TMEM248: variants seen among roughly 807,000 people sequenced by gnomAD.
TMEM248 encodes the protein UPF0458 protein C7orf42.
Under a neutral mutation model 30.3 loss-of-function variants are expected in TMEM248, and 9 were observed. That is an observed-to-expected ratio of 0.30 (90% CI 0.18 to 0.52). The LOEUF (loss-of-function observed/expected upper bound fraction) is 0.52, where lower values mean the gene tolerates loss of function less well. TMEM248 is among the 20% of genes least tolerant of loss of function. The pLI, the probability that TMEM248 is intolerant of heterozygous loss-of-function variation, is 0.97. For synonymous variants in TMEM248, 184 were observed against 154.4 expected, an observed-to-expected ratio of 1.19 and a Z score of -1.42; for missense variants, 338 against 403.3, an observed-to-expected ratio of 0.84 and a Z score of 1.39.
At chr7:66,952,693 T>C (rs1792298302) in intron 5 of TMEM248, among the ~76,000 whole-genome samples, 1 of 152,128 alleles carries the variant, frequency 6.6e-6, no homozygotes, top group South Asian at 2.1e-4. Flanking sequence ...GGGTAGTGAA[T>C]CACGGATGAT....
Position 66,937,667 on chromosome 7 carries a change from G to A in TMEM248, c.-18-4181G>A, listed in dbSNP as rs1468382287. Among the ~76,000 whole-genome samples the A allele has an allele frequency of 2.0e-5, 3 of 152,056 alleles. No individual in the cohort carries two copies. In the East Asian group the frequency reaches 5.8e-4, roughly 29 times the overall value. The stretch of plus-strand genomic sequence containing the variant: ...GATTAAATATAGCTACTTCTGCTCT[G>A]CGCTTTTTTGGTTTCCATTTGCATG... On this transcript the variant is annotated intron_variant, in intron 1 of 6. Transcript: ENST00000341567.
intron 6 of TMEM248, 53 bp downstream of exon 6, chr7:66,953,422 A>G (rs1404701633): frequency 5.7e-6 from 9 of 1,586,708 alleles, no homozygotes; most frequent in Middle Eastern, 1.7e-4. Flanking sequence ...CTCTGTATAC[A>G]GAAAGTCCCA....
At chr7:66,931,145 A>G (rs1454139175) in intron 1 of TMEM248, among the ~76,000 whole-genome samples, 2 of 152,034 alleles carry the variant, frequency 1.3e-5, no homozygotes, top group African/African-American at 4.8e-5. Context: ...TCTACTAAAA[A>G]TATCAAAATT....
At chr7:66,926,092 T>C (rs1280884177) in intron 1 of TMEM248, among the ~76,000 whole-genome samples, 1 of 152,212 alleles carries the variant, frequency 6.6e-6, no homozygotes, top group Non-Finnish European at 1.5e-5. Context: ...CGCGAGATGA[T>C]ATCTCATTGT....
chr7:66,946,336 G>A (rs1792106481), intron 3 of TMEM248, among the ~76,000 whole-genome samples: 1 of 152,134 alleles, frequency 6.6e-6, no homozygotes, highest in Non-Finnish European at 1.5e-5. Flanking sequence ...CCAGCACTTT[G>A]GGAGGCCGAG....
intron 1 of TMEM248, among the ~76,000 whole-genome samples, chr7:66,926,440 T>C (rs528187282): frequency 1.3e-5 from 2 of 152,188 alleles, no homozygotes; most frequent in Admixed American, 1.3e-4. Flanking sequence ...GCCAACATGG[T>C]GAAACCCTGT....
chr7:66,928,896 C>G (rs1333688069), intron 1 of TMEM248, among the ~76,000 whole-genome samples: 1 of 152,082 alleles, frequency 6.6e-6, no homozygotes, highest in Non-Finnish European at 1.5e-5. Flanking sequence ...CCGGTGATCC[C>G]TCCACCTCAG....
chr7:66,932,292 CTAG>C (rs1791689084), intron 1 of TMEM248, among the ~76,000 whole-genome samples: 1 of 152,220 alleles, frequency 6.6e-6, no homozygotes, highest in Non-Finnish European at 1.5e-5. Context: ...TTCACCTGAA[CTAG>C]TAGTGTTTTG....
chr7:66,955,537 GT>G lies in TMEM248; in HGVS notation c.*21del. 2 of 1,614,018 alleles carry G rather than the reference GT, an allele frequency of 1.2e-6. No individual in the cohort carries two copies. The highest frequency in any genetic ancestry group is 4.5e-5 in the East Asian group (2 of 44,862). On this transcript the variant is annotated 3_prime_UTR_variant, in exon 7 of 7. Coordinates refer to ENST00000341567, the MANE Select transcript of TMEM248 (RefSeq NM_017994.5). ...CTGAAGCCTAATTCCACAGCTCCTT[GT>G]TTTTTGAGAGAGACTGAGAGAACCA...
intron 2 of TMEM248, 79 bp from the exon 3 acceptor site, chr7:66,944,897 C>T: frequency 2.0e-6 from 3 of 1,495,762 alleles, no homozygotes; most frequent in Middle Eastern, 1.7e-4. Context: ...CGGTGCCACA[C>T]TGGGGTCTTA....
At chr7:66,927,822 A>G (rs2129220624) in intron 1 of TMEM248, among the ~76,000 whole-genome samples, 1 of 152,274 alleles carries the variant, frequency 6.6e-6, no homozygotes, top group East Asian at 1.9e-4. Flanking sequence ...ATTGTATCAC[A>G]TTAAGAAACA....
At chr7:66,932,315 AAC>A (rs1179482167) in intron 1 of TMEM248, among the ~76,000 whole-genome samples, 4 of 152,182 alleles carry the variant, frequency 2.6e-5, no homozygotes, top group Non-Finnish European at 4.4e-5. Context: ...GAAAGTTTAT[AAC>A]ACAGTCTTTT....
chr7:66,927,645 C>CG (rs1394457903), intron 1 of TMEM248, among the ~76,000 whole-genome samples: 1 of 145,010 alleles, frequency 6.9e-6, no homozygotes, highest in African/African-American at 2.5e-5. Flanking sequence ...TTTTTAGGGA[C>CG]GGGGTCTCAC....
intron 5 of TMEM248, 118 bp from the exon 6 acceptor site, chr7:66,953,108 A>G: frequency 8.6e-7 from 1 of 1,158,618 alleles, no homozygotes; most frequent in Non-Finnish European, 1.2e-6. Flanking sequence ...CTTGCAGCTT[A>G]AGAAGAAAAG....
chr7:66,955,539 T>G lies in TMEM248; in HGVS notation c.*17T>G. 1 of 1,614,066 alleles carries G rather than the reference T, an allele frequency of 6.2e-7. No homozygotes were observed. On this transcript the variant is annotated 3_prime_UTR_variant, in exon 7 of 7. Transcript: ENST00000341567. ...GAAGCCTAATTCCACAGCTCCTTGTTTTTTGAGAGAGACTGAGAGAACCAT... is the reference window on the plus strand; with the variant it reads ...GAAGCCTAATTCCACAGCTCCTTGTGTTTTGAGAGAGACTGAGAGAACCAT...
At chr7:66,949,789 G>C (rs1164923811) in intron 4 of TMEM248, among the ~76,000 whole-genome samples, 1 of 151,134 alleles carries the variant, frequency 6.6e-6, no homozygotes, top group Non-Finnish European at 1.5e-5. Context: ...CAGTGTTACT[G>C]CTTTGCATTT....
intron 1 of TMEM248, chr7:66,921,829 A>G (rs1428723985): frequency 1.3e-5 from 2 of 152,294 alleles, no homozygotes; most frequent in Non-Finnish European, 2.9e-5. Flanking sequence ...TCCGTTTGGC[A>G]GTGAAACACA....
rs780460688 is a variant in TMEM248 at position 66,942,049 on chromosome 7, G to A, written c.159+25G>A. 17 of 1,605,428 alleles carry A rather than the reference G, an allele frequency of 1.1e-5. No individual in the cohort carries two copies. In the East Asian group the frequency reaches 1.8e-4, roughly 17 times the overall value. ...GGTATAGTATGCTCTGACTTCTCCC[G>A]GGCTGGCTGGTCCTTGTGCAGTGGG... On this transcript the variant is annotated intron_variant, in intron 2 of 6. Transcript: ENST00000341567.
chr7:66,924,563 C>T (rs1258250042), intron 1 of TMEM248, among the ~76,000 whole-genome samples: 1 of 152,150 alleles, frequency 6.6e-6, no homozygotes, highest in Non-Finnish European at 1.5e-5. Flanking sequence ...CGCCACCATG[C>T]CTGGCTAATT....
Sources: gnomAD v4.1 joint callset for allele counts (sites outside exome capture counted in the v4.1 genomes callset) on GRCh38, gnomAD v4.1.1 for gene constraint, MANE v1.5 for transcripts, NCBI Gene and HGNC (gene_info 2026-07-23, HGNC 2026-07-21) for gene names.